The following PAM variants were observed in gnomAD, a reference collection of about 807,000 sequenced individuals.
PAM encodes the protein peptidyl-glycine alpha-amidating monooxygenase.
A neutral mutation model predicts 122.1 loss-of-function variants in PAM; 72 were observed. The ratio of observed to expected loss-of-function variants is 0.59; its 90% confidence interval spans 0.49 to 0.72. PAM has a LOEUF of 0.72. Ranked by LOEUF, PAM falls within the 30% of genes least tolerant of loss-of-function variation. The pLI is 0.00. For synonymous variants in PAM, 389 were observed against 404.4 expected, an observed-to-expected ratio of 0.96 and a Z score of 0.46; for missense variants, 1,106 against 1,183.7, an observed-to-expected ratio of 0.93 and a Z score of 0.96.
At chr5:102,931,729 A>G (rs919606399) in intron 7 of PAM, among the ~76,000 whole-genome samples, 1 of 152,140 alleles carries the variant, frequency 6.6e-6, no homozygotes, top group African/African-American at 2.4e-5. Flanking sequence ...AAGACTTCCA[A>G]ACTATAATCC....
chr5:102,974,497 A>G, intron 15 of PAM, 61 bp downstream of exon 15: 1 of 1,067,966 alleles, frequency 9.4e-7, no homozygotes, highest in Non-Finnish European at 1.4e-6. Flanking sequence ...CGTTAGCAAA[A>G]CCTGAAGGGA....
chr5:102,781,962 G>C (rs1365653352), intron 1 of PAM, among the ~76,000 whole-genome samples: 1 of 152,168 alleles, frequency 6.6e-6, no homozygotes, highest in Non-Finnish European at 1.5e-5. Flanking sequence ...AAGGTCGTAA[G>C]GGTAAGTGGC....
chr5:102,812,470 A>G (rs958292991), intron 1 of PAM, among the ~76,000 whole-genome samples: 7 of 152,084 alleles, frequency 4.6e-5, no homozygotes, highest in African/African-American at 1.7e-4. Context: ...TGGTTCTCTG[A>G]AAAAAAGGAG....
chr5:103,003,771 A>G (rs1307308261), intron 17 of PAM, among the ~76,000 whole-genome samples: 2 of 152,312 alleles, frequency 1.3e-5, no homozygotes, highest in East Asian at 3.9e-4. Context: ...ATTCTTCAGC[A>G]GAAAAATTCT....
chr5:102,818,978 C>T (rs10041879), intron 1 of PAM, among the ~76,000 whole-genome samples: 2,863 of 152,142 alleles, frequency 0.019, 84 homozygotes, highest in African/African-American at 0.066. Flanking sequence ...TATGAATCTC[C>T]GAATTTACTC....
In PAM at chr5:102,780,055, C is replaced by T. The variant is rs540315229; in HGVS notation, c.-374+24707C>T. Among the ~76,000 whole-genome samples, 164 of 151,686 alleles carry T rather than the reference C, an allele frequency of 1.1e-3. 2 individuals carry two copies. Among genetic ancestry groups the T allele is most frequent in the Non-Finnish European group, 5.4e-4 (37 of 67,906 alleles). On this transcript the variant is annotated intron_variant, in intron 1 of 25. Coordinates refer to ENST00000438793, the MANE Select transcript of PAM (RefSeq NM_001177306.2). Reference sequence around the variant, plus strand: ...AATAATTTATAAGTTTTTAATTGTACACCATTCTGAATAGCATGATGAAAA... The same window carrying T: ...AATAATTTATAAGTTTTTAATTGTATACCATTCTGAATAGCATGATGAAAA...
chr5:102,831,016 A>G (rs1407276948), intron 1 of PAM, among the ~76,000 whole-genome samples: 2 of 152,216 alleles, frequency 1.3e-5, no homozygotes, highest in Non-Finnish European at 2.9e-5. Context: ...CCAAAGACAG[A>G]TAAGTTTTAA....
chr5:102,821,841 A>G (rs892390798), intron 1 of PAM, among the ~76,000 whole-genome samples: 2 of 152,206 alleles, frequency 1.3e-5, no homozygotes, highest in Admixed American at 6.5e-5. Context: ...ATAATATATA[A>G]TGAAAGCAAT....
At chr5:102,770,995 T>A (rs561986402) in intron 1 of PAM, among the ~76,000 whole-genome samples, 1 of 152,236 alleles carries the variant, frequency 6.6e-6, no homozygotes, top group Non-Finnish European at 1.5e-5. Flanking sequence ...GCTGTATTGA[T>A]CCCTGAAGGG....
intron 1 of PAM, among the ~76,000 whole-genome samples, chr5:102,811,738 T>C (rs1320038356): frequency 6.6e-6 from 1 of 152,172 alleles, no homozygotes; most frequent in Non-Finnish European, 1.5e-5. Context: ...ATTAAACTAG[T>C]GATTGCCAAT....
intron 16 of PAM, among the ~76,000 whole-genome samples, chr5:102,992,614 T>C (rs1403816352): frequency 6.6e-6 from 1 of 152,086 alleles, no homozygotes; most frequent in African/African-American, 2.4e-5. Flanking sequence ...TATATCGGGT[T>C]TTTTTTGTCC....
chr5:103,009,129 T>C (rs1779896988), intron 20 of PAM, among the ~76,000 whole-genome samples: 1 of 152,150 alleles, frequency 6.6e-6, no homozygotes, highest in South Asian at 2.1e-4. Context: ...TTGTTCTGAA[T>C]AAACAGTATT....
chr5:103,025,069 G>A, intron 23 of PAM, 62 bp from the exon 24 acceptor site: 2 of 1,131,704 alleles, frequency 1.8e-6, no homozygotes, highest in Non-Finnish European at 2.6e-6. Context: ...GGGTAGGGGT[G>A]GGTAAGGGGG....
chr5:102,825,771 C>T (rs964706212), intron 1 of PAM, among the ~76,000 whole-genome samples: 16 of 152,034 alleles, frequency 1.1e-4, no homozygotes, highest in Non-Finnish European at 7.4e-5. Flanking sequence ...TGCTTGAGCC[C>T]GGAAGTTAAA....
intron 7 of PAM, among the ~76,000 whole-genome samples, chr5:102,943,291 C>T (rs1755901647): frequency 6.6e-6 from 1 of 152,130 alleles, no homozygotes; most frequent in South Asian, 2.1e-4. Context: ...AGGTTATTAT[C>T]GTGCATTATT....
At chr5:102,925,779 TAAA>T (rs202164063) in intron 6 of PAM, among the ~76,000 whole-genome samples, 2 of 143,334 alleles carry the variant, frequency 1.4e-5, no homozygotes, top group Admixed American at 7.0e-5. Flanking sequence ...GAGATTTGTT[TAAA>T]AAAAAAAAAA....
In PAM at chr5:103,028,935, A is replaced by T. The variant is rs781172865; in HGVS notation, c.2792A>T (p.Lys931Met). Residue 931 changes from lysine (K) to methionine (M), a missense_variant, in exon 26 of 26, where the codon AAG (lysine) becomes ATG (methionine). Physicochemically the swap from Lys to Met is moderately conservative, Grantham distance 95. Transcript: ENST00000438793. The part of the protein sequence containing the change: ...LNLGNFFASR[K>M]GYSRKGFDRL... The stretch of plus-strand genomic sequence containing the variant: ...CTTGGTAATTTCTTTGCAAGCCGTA[A>T]GGGCTACAGTCGAAAAGGGTTTGAC... 6.2e-7 allele frequency: 1 copy of T among 1,613,104 alleles called. No homozygotes were observed. The highest frequency in any genetic ancestry group is 8.5e-7 in the Non-Finnish European group (1 of 1,179,582).
chr5:102,792,355 G>C (rs1236351283), intron 1 of PAM, among the ~76,000 whole-genome samples: 1 of 152,122 alleles, frequency 6.6e-6, no homozygotes, highest in Non-Finnish European at 1.5e-5. Context: ...TAAACGACGT[G>C]GGGAAAGACT....
chr5:102,766,926 A>ATTTTTTTTTTTTTTTTTTTTTTTTT lies in PAM; in HGVS notation c.-374+11585_-374+11609dup. On this transcript the variant is annotated intron_variant, in intron 1 of 25. Transcript: ENST00000438793. ...ATTTATTTTATTGCTTCAGTTGTGG[A>ATTTTTTTTTTTTTTTTTTTTTTTTT]TTTTTTTTTTTTTTTTTTTTTTTTT... Among the ~76,000 whole-genome samples, 69 of 25,854 alleles carry ATTTTTTTTTTTTTTTTTTTTTTTTT rather than the reference A, an allele frequency of 2.7e-3. 25 individuals are homozygous for ATTTTTTTTTTTTTTTTTTTTTTTTT. Among genetic ancestry groups the ATTTTTTTTTTTTTTTTTTTTTTTTT allele is most frequent in the East Asian group, 4.3e-3 (3 of 702 alleles). The allele number at this position is 25,854 out of a possible 152,430, so 17.0% of individuals were successfully genotyped here.
Sources: gnomAD v4.1 joint callset for allele counts (sites outside exome capture counted in the v4.1 genomes callset) on GRCh38, gnomAD v4.1.1 for gene constraint, MANE v1.5 for transcripts, NCBI Gene and HGNC (gene_info 2026-07-23, HGNC 2026-07-21) for gene names.